The following FAP variants were observed in gnomAD, a reference collection of about 807,000 sequenced individuals.
FAP encodes the protein prolyl endopeptidase FAP.
In FAP, 110 loss-of-function variants were observed where a neutral mutation model predicts 126.5. The observed-to-expected ratio is 0.87, with a 90% confidence interval of 0.74 to 1.02. The LOEUF is 1.02. Among genes scored for constraint, FAP ranks in the 50% least tolerant of loss-of-function variants. The pLI, the probability that FAP is intolerant of heterozygous loss-of-function variation, is 0.00. For missense variants in FAP, 919 were observed against 909.2 expected (o/e 1.01, Z -0.14); for synonymous variants, 334 against 297.3 (o/e 1.12, Z -1.27).
chr2:162,205,417 G>C (rs997644834), intron 12 of FAP, among the ~76,000 whole-genome samples: 3 of 152,074 alleles, frequency 2.0e-5, no homozygotes, highest in Non-Finnish European at 4.4e-5. Flanking sequence ...ATAAGTCTTT[G>C]ACAAAATCCT....
intron 2 of FAP, among the ~76,000 whole-genome samples, chr2:162,237,197 T>C (rs1307054295): frequency 6.6e-6 from 1 of 152,190 alleles, no homozygotes; most frequent in African/African-American, 2.4e-5. Context: ...ATCGTTTTAT[T>C]ACATGCTACT....
chr2:162,215,801 A>G, intron 10 of FAP, 97 bp downstream of exon 10: 2 of 803,878 alleles, frequency 2.5e-6, no homozygotes, highest in Non-Finnish European at 4.1e-6. Context: ...CTTTGTGTGC[A>G]ACTCTTATCT....
intron 5 of FAP, 40 bp downstream of exon 5, chr2:162,224,426 G>T: frequency 8.4e-7 from 1 of 1,197,142 alleles, no homozygotes. Flanking sequence ...TGGATTAGTA[G>T]GAGATACAAT....
At chr2:162,207,453 T>C (rs1688748586) in intron 12 of FAP, among the ~76,000 whole-genome samples, 1 of 152,222 alleles carries the variant, frequency 6.6e-6, no homozygotes, top group African/African-American at 2.4e-5. Flanking sequence ...AATATTAAAA[T>C]GATCTGGCAC....
At chr2:162,189,539 C>T in intron 18 of FAP, 117 bp downstream of exon 18, 1 of 615,956 alleles carries the variant, frequency 1.6e-6, no homozygotes, top group Non-Finnish European at 2.9e-6. Flanking sequence ...TAAATGAAAT[C>T]CTGTAATATT....
At position 162,220,002 on chromosome 2, in the gene FAP, A is replaced by G. The variant is rs572800611; in HGVS notation, c.414-77T>C. The G allele has an allele frequency of 7.2e-6, 7 of 968,580 alleles. No homozygotes were observed. In the South Asian group the frequency reaches 9.8e-5, roughly 14 times the overall value. The allele number at this position is 968,580 out of a possible 1,614,324, so 60.0% of individuals were successfully genotyped here. A position where few individuals can be genotyped will look rare whatever the true frequency, so the allele number is the denominator to read the frequency against. Reference sequence around the variant, plus strand: ...AAAATAATAATCTGTATGAACAGAAAAAATAAACAAACAATGAAAATTAAG... The same window carrying G: ...AAAATAATAATCTGTATGAACAGAAGAAATAAACAAACAATGAAAATTAAG... On this transcript the variant is annotated intron_variant, in intron 6 of 25. Transcript: ENST00000188790.
chr2:162,198,734 C>T, intron 16 of FAP, 23 bp downstream of exon 16: 2 of 1,613,548 alleles, frequency 1.2e-6, no homozygotes, highest in Middle Eastern at 3.3e-4. Context: ...GGATGCTGTG[C>T]TTATGTGAGG....
At chr2:162,223,991 T>C (rs1390146988) in intron 5 of FAP, among the ~76,000 whole-genome samples, 5 of 152,106 alleles carry the variant, frequency 3.3e-5, no homozygotes, top group African/African-American at 1.2e-4. Flanking sequence ...GTTTTACCTG[T>C]ATTGAAGTAA....
intron 21 of FAP, chr2:162,175,684 G>A (rs541689821): frequency 4.6e-5 from 7 of 152,144 alleles, no homozygotes; most frequent in Non-Finnish European, 1.0e-4. Context: ...AGCTCTCATA[G>A]ATTTTCTTCT....
rs78722278 is a variant in FAP at position 162,219,117 on chromosome 2, A to G, written c.553T>C (p.Phe185Leu). ...RPGDPPFQITFNGRENKIFNG... is the reference protein window; with the variant it reads ...RPGDPPFQITLNGRENKIFNG... ...AATATTTTATTTTCTCTTCCATTAA[A>G]TGTTATTTGAAAAGGTGGATCTCCT... is the stretch of plus-strand genomic sequence containing the variant. The change falls in exon 8 of 26, where the codon TTT (phenylalanine) becomes CTT (leucine). Residue 185 changes from phenylalanine to leucine, a missense_variant. Phe to Leu is a conservative substitution (Grantham distance 22, BLOSUM62 0). Transcript: ENST00000188790. The G allele has an allele frequency of 7.5e-3, 12,004 of 1,606,080 alleles. 42 individuals are homozygous for G. Among genetic ancestry groups the G allele is most frequent in the Non-Finnish European group, 9.0e-3 (10,559 of 1,174,770 alleles).
chr2:162,176,297 A>G (rs971919093), intron 21 of FAP: 1 of 152,212 alleles, frequency 6.6e-6, no homozygotes, highest in Non-Finnish European at 1.5e-5. Flanking sequence ...TAAATGAAGA[A>G]TTCTCAAACT....
chr2:162,213,803 T>A (rs1689056880), intron 11 of FAP, 135 bp downstream of exon 11: 1 of 696,444 alleles, frequency 1.4e-6, no homozygotes, highest in South Asian at 3.5e-5. Context: ...GAATACTGAG[T>A]GTGTTTTTGC....
intron 11 of FAP, among the ~76,000 whole-genome samples, chr2:162,213,351 G>A (rs1177573853): frequency 6.6e-6 from 1 of 150,654 alleles, no homozygotes; most frequent in Non-Finnish European, 1.5e-5. Context: ...ACTCCAGCCT[G>A]GCGACAGAGC....
chr2:162,190,690 GA>G (rs1203419090), intron 17 of FAP, among the ~76,000 whole-genome samples: 1 of 152,060 alleles, frequency 6.6e-6, no homozygotes, highest in Admixed American at 6.6e-5. Flanking sequence ...TATTTTAAAA[GA>G]GGGGCTGGAT....
Position 162,243,441 on chromosome 2 carries a change from A to C in FAP, c.-114T>G. On this transcript the variant is annotated 5_prime_UTR_variant, in exon 1 of 26. Transcript: ENST00000188790. ...GTCTTTGTAGTTGGAAGCTGAAGCC[A>C]GGACAAGGTTTTTTTCTTTCCACGG... 7.1e-7 allele frequency: 1 copy of C among 1,411,808 alleles called. No individual in the cohort carries two copies. Among genetic ancestry groups the C allele is most frequent in the Non-Finnish European group, 9.5e-7 (1 of 1,056,424 alleles). The allele number at this position is 1,411,808 out of a possible 1,614,324, so 87.5% of individuals were successfully genotyped here. A position where few individuals can be genotyped will look rare whatever the true frequency, so the allele number is the denominator to read the frequency against.
chr2:162,172,798 C>G lies in FAP; in HGVS notation c.2181+13G>C. The G allele has an allele frequency of 1.2e-6, 2 of 1,603,206 alleles. No individual in the cohort carries two copies. Among genetic ancestry groups the G allele is most frequent in the Non-Finnish European group, 1.7e-6 (2 of 1,170,624 alleles). On this transcript the variant is annotated intron_variant, in intron 25 of 25. Coordinates refer to ENST00000188790, the MANE Select transcript of FAP (RefSeq NM_004460.5). ...TCTAAGGCCATGAACATGAGTAAAA[C>G]AAAATTATGTACCATTGCCTGGAAA...
chr2:162,228,264 C>T (rs1689743913), intron 2 of FAP, among the ~76,000 whole-genome samples: 1 of 152,090 alleles, frequency 6.6e-6, no homozygotes, highest in Non-Finnish European at 1.5e-5. Flanking sequence ...TCTCTGGTGC[C>T]TAGGCTTGCT....
chr2:162,175,108 C>T (rs1687438795), intron 21 of FAP, 142 bp from the exon 22 acceptor site: 1 of 576,666 alleles, frequency 1.7e-6, no homozygotes, highest in Admixed American at 3.1e-5. Context: ...TATCTTGCAT[C>T]CTCGGCAGCA....
chr2:162,182,619 A>G (rs1193116276), intron 21 of FAP, among the ~76,000 whole-genome samples: 1 of 152,200 alleles, frequency 6.6e-6, no homozygotes, highest in African/African-American at 2.4e-5. Context: ...CAGAGAAAAC[A>G]GCCAAGAAAA....
Sources: gnomAD v4.1 joint callset for allele counts (sites outside exome capture counted in the v4.1 genomes callset) on GRCh38, gnomAD v4.1.1 for gene constraint, MANE v1.5 for transcripts, NCBI Gene and HGNC (gene_info 2026-07-23, HGNC 2026-07-21) for gene names.